ZFHX4: variants seen among roughly 807,000 people sequenced by gnomAD.
The protein encoded by ZFHX4 is zinc finger homeobox 4.
A neutral mutation model predicts 267.6 loss-of-function variants in ZFHX4; 56 were observed. The observed-to-expected ratio is 0.21, with a 90% CI of 0.17 to 0.26. The LOEUF (loss-of-function observed/expected upper bound fraction) is 0.26, where lower values mean the gene tolerates loss of function less well. Among genes scored for constraint, ZFHX4 ranks in the 10% least tolerant of loss-of-function variants. The pLI is 1.00. For missense variants in ZFHX4, 4,332 were observed against 4,420.0 expected (o/e 0.98, Z 0.56); for synonymous variants, 1,778 against 1,665.6 (o/e 1.07, Z -1.64).
Position 76,706,385 on chromosome 8 carries a change from C to G in ZFHX4, c.2297C>G (p.Thr766Ser). 6.2e-7 allele frequency: 1 copy of G among 1,614,138 alleles called. No individual in the cohort carries two copies. Among genetic ancestry groups the G allele is most frequent in the Non-Finnish European group, 8.5e-7 (1 of 1,180,004 alleles). ...PSPSKPKQKP[T>S]WRCEVCDYET... ...CCGTCCAAACCCAAACAGAAACCCACCTGGCGGTGTGAAGTTTGTGATTAT... is the reference window on the plus strand; with the variant it reads ...CCGTCCAAACCCAAACAGAAACCCAGCTGGCGGTGTGAAGTTTGTGATTAT... Residue 766 changes from threonine to serine, a missense_variant, in exon 2 of 11, where the codon ACC becomes AGC. Around this residue, in one of 7 missense-constraint regions of ZFHX4, gnomAD observed 1,195 missense variants for 1,173.6 expected, o/e 1.02. Transcript: ENST00000651372.
intron 1 of ZFHX4, chr8:76,683,984 CT>C (rs1807625732): frequency 6.6e-6 from 1 of 151,596 alleles, no homozygotes; most frequent in Admixed American, 6.6e-5. Context: ...GCCATCAACA[CT>C]TGTTTTACTT....
Position 76,707,425 on chromosome 8 carries a change from C to T in ZFHX4, c.2591-121C>T, listed in dbSNP as rs545143383. On this transcript the variant is annotated intron_variant, in intron 2 of 10. Coordinates refer to ENST00000651372, the MANE Select transcript of ZFHX4 (RefSeq NM_024721.5). ...TGATCCTGATTGAATCCTATTACAG[C>T]TTTTTATAGTTTAAGCTCTAGAGAA... 3.0e-5 allele frequency: 27 copies of T among 913,392 alleles called. No individual in the cohort carries two copies. The African/African-American group carries it at 3.8e-4, about 13-fold the overall frequency. 56.6% of individuals were successfully genotyped at this position (913,392 alleles called of 1,614,324 possible). A position where few individuals can be genotyped will look rare whatever the true frequency, so the allele number is the denominator to read the frequency against.
rs1319545374 is a variant in ZFHX4, at chr8:76,705,271, C to G, written c.1183C>G (p.Pro395Ala). ...SASTSSSAEQ[P>A]LGITQMPKAE... ...GAGCACCTCGAGCTCAGCAGAGCAGCCGCTGGGGATTACCCAAATGCCAAA... is the reference window on the plus strand; with the variant it reads ...GAGCACCTCGAGCTCAGCAGAGCAGGCGCTGGGGATTACCCAAATGCCAAA... Residue 395 changes from proline (P) to alanine (A), a missense_variant, in exon 2 of 11, where the codon CCG becomes GCG. Coordinates refer to ENST00000651372, the MANE Select transcript of ZFHX4 (RefSeq NM_024721.5). 8.7e-6 allele frequency: 14 copies of G among 1,613,866 alleles called. No homozygotes were observed. The highest frequency in any genetic ancestry group is 1.3e-5 in the African/African-American group (1 of 74,922).
In ZFHX4 at chr8:76,728,337, A is replaced by T. The variant is rs115670111; in HGVS notation, c.3093+20289A>T. Among the ~76,000 whole-genome samples, 1,362 of 152,282 alleles carry T rather than the reference A, an allele frequency of 8.9e-3. 18 individuals are homozygous for T. Among genetic ancestry groups the T allele is most frequent in the African/African-American group, 0.031 (1,279 of 41,564 alleles). On this transcript the variant is annotated intron_variant, in intron 3 of 10. Transcript: ENST00000651372. ...GCCCTCGATATTCTAGGTTAACTGG[A>T]ACCAAGGCAAGTATGAAAATCTCCA...
chr8:76,818,018 C>A (rs778172506), intron 4 of ZFHX4, among the ~76,000 whole-genome samples: 7 of 152,144 alleles, frequency 4.6e-5, no homozygotes, highest in Non-Finnish European at 8.8e-5. Flanking sequence ...AAGTTCCCTG[C>A]CCTCAAGGAG....
rs778446862 is a variant in ZFHX4, at chr8:76,708,158, C to T, written c.3093+110C>T. 5 of 1,364,210 alleles carry T rather than the reference C, an allele frequency of 3.7e-6. No homozygotes were observed. In the South Asian group the frequency reaches 4.8e-5, roughly 13 times the overall value. The allele number at this position is 1,364,210 out of a possible 1,614,324, so 84.5% of individuals were successfully genotyped here. A position where few individuals can be genotyped will look rare whatever the true frequency, so the allele number is the denominator to read the frequency against. ...AAGGAAAAAAAAAGAGAAAAAACAT[C>T]AAAGGGCAGGGGGCACAGTTTCTGA... On this transcript the variant is annotated intron_variant, in intron 3 of 10. Transcript: ENST00000651372.
In ZFHX4 at chr8:76,777,892, T is replaced by G. The variant is rs142480180; in HGVS notation, c.3094-316T>G. On this transcript the variant is annotated intron_variant, in intron 3 of 10. Transcript: ENST00000651372. ...TGTTTGTTTTTGTTTTTTGTTTTTT[T>G]TTTTTCTGAGATAACTAGTTAACTG... is the stretch of plus-strand genomic sequence containing the variant. Among the ~76,000 whole-genome samples the G allele has an allele frequency of 5.0e-3, 765 of 151,964 alleles. 14 individuals carry two copies. The highest frequency in any genetic ancestry group is 0.017 in the African/African-American group (693 of 41,488).
At chr8:76,863,015 C>T in intron 10 of ZFHX4, 79 bp from the exon 11 acceptor site, 1 of 1,438,742 alleles carries the variant, frequency 7.0e-7, no homozygotes, top group Non-Finnish European at 9.1e-7. Flanking sequence ...TTAGTGAGTT[C>T]TATTTAGGTG....
chr8:76,834,852 A>G (rs1392248453), intron 5 of ZFHX4, among the ~76,000 whole-genome samples: 1 of 151,840 alleles, frequency 6.6e-6, no homozygotes, highest in Non-Finnish European at 1.5e-5. Flanking sequence ...CCCTTATGTT[A>G]TCTTCTAGGA....
chr8:76,849,018 C>A lies in ZFHX4; in HGVS notation c.3535C>A (p.Leu1179Ile). 2 of 1,551,860 alleles carry A rather than the reference C, an allele frequency of 1.3e-6. No homozygotes were observed. The highest frequency in any genetic ancestry group is 1.7e-6 in the Non-Finnish European group (2 of 1,148,468). ...DSGIITPEKE[L>I]KVSVAGGTQP... ...AGGGATAATCACACCAGAGAAGGAA[C>A]TAAAAGTTAGTGTGGCAGGGGGTAC... Residue 1179 changes from leucine to isoleucine, a missense_variant, in exon 7 of 11, where the codon CTA (leucine) becomes ATA (isoleucine). Coordinates refer to ENST00000651372, the MANE Select transcript of ZFHX4 (RefSeq NM_024721.5).
In ZFHX4 at chr8:76,778,265, G is replaced by T. The variant is rs774068930; in HGVS notation, c.3151G>T (p.Val1051Leu). ...CGAATCCTGCTATTACTACTGTGCC[G>T]TGTGTGATTACACCACCAAGGTCAA... The part of the protein sequence containing the change: ...NPESCYYYCA[V>L]CDYTTKVKLN... The change falls in exon 4 of 11, where the codon GTG (valine) becomes TTG (leucine). Residue 1051 changes from valine (V) to leucine (L), a missense_variant. By Grantham distance (32) the Val-to-Leu change is conservative (BLOSUM62 1). This residue lies in a region of ZFHX4 where 1,371 missense variants were observed against 1,423.1 expected (regional missense o/e 0.96). Coordinates refer to ENST00000651372, the MANE Select transcript of ZFHX4 (RefSeq NM_024721.5). The T allele has an allele frequency of 6.2e-7, 1 of 1,613,694 alleles. No individual in the cohort carries two copies. The highest frequency in any genetic ancestry group is 8.5e-7 in the Non-Finnish European group (1 of 1,179,726).
intron 3 of ZFHX4, among the ~76,000 whole-genome samples, chr8:76,762,568 A>C (rs1452085245): frequency 6.6e-6 from 1 of 152,190 alleles, no homozygotes; most frequent in Non-Finnish European, 1.5e-5. Context: ...CCATAAAAGC[A>C]AATGAATATG....
intron 3 of ZFHX4, among the ~76,000 whole-genome samples, chr8:76,766,401 T>C (rs748279110): frequency 2.6e-5 from 4 of 152,190 alleles, no homozygotes; most frequent in Admixed American, 2.0e-4. Flanking sequence ...GCAATTTTGA[T>C]ATTTAAAACG....
chr8:76,690,726 GAC>G (rs151254583), intron 1 of ZFHX4, among the ~76,000 whole-genome samples: 1 of 150,640 alleles, frequency 6.6e-6, no homozygotes, highest in Admixed American at 6.6e-5. Flanking sequence ...TATACAGACA[GAC>G]ACACACACAC....
intron 4 of ZFHX4, among the ~76,000 whole-genome samples, chr8:76,820,646 A>G (rs943087765): frequency 2.0e-4 from 30 of 152,174 alleles, no homozygotes; most frequent in African/African-American, 7.0e-4. Context: ...AGTTTTTCTG[A>G]TCAAACTTGG....
chr8:76,827,420 C>A (rs1272966939), intron 4 of ZFHX4, among the ~76,000 whole-genome samples: 2 of 152,128 alleles, frequency 1.3e-5, no homozygotes, highest in African/African-American at 4.8e-5. Flanking sequence ...GGGTTAGGGA[C>A]CCCTGCTATA....
At chr8:76,782,388 A>C (rs941000253) in intron 4 of ZFHX4, among the ~76,000 whole-genome samples, 3 of 151,996 alleles carry the variant, frequency 2.0e-5, no homozygotes, top group African/African-American at 7.2e-5. Flanking sequence ...TTTAAGAACA[A>C]AAGTTGTTTT....
At chr8:76,742,675 A>G (rs1809351510) in intron 3 of ZFHX4, among the ~76,000 whole-genome samples, 1 of 152,198 alleles carries the variant, frequency 6.6e-6, no homozygotes, top group Non-Finnish European at 1.5e-5. Flanking sequence ...AAATAAACAC[A>G]CTTAATTGAA....
At position 76,864,754 on chromosome 8, in the gene ZFHX4, A is replaced by G; in HGVS notation, c.*189A>G. The G allele has an allele frequency of 2.3e-6, 1 of 441,320 alleles. No individual in the cohort carries two copies. The highest frequency in any genetic ancestry group is 4.0e-6 in the Non-Finnish European group (1 of 248,298). 27.3% of individuals were successfully genotyped at this position (441,320 alleles called of 1,614,324 possible). A position where few individuals can be genotyped will look rare whatever the true frequency, so the allele number is the denominator to read the frequency against. Reference sequence around the variant, plus strand: ...GGTATGTAATGGACAGAACTGATGCAGATGGTTGAATGCGCTTGTACTATA... The same window carrying G: ...GGTATGTAATGGACAGAACTGATGCGGATGGTTGAATGCGCTTGTACTATA... On this transcript the variant is annotated 3_prime_UTR_variant, in exon 11 of 11. Coordinates refer to ENST00000651372, the MANE Select transcript of ZFHX4 (RefSeq NM_024721.5).
Sources: allele counts gnomAD v4.1 joint callset (sites outside exome capture counted in the v4.1 genomes callset), GRCh38; gene constraint gnomAD v4.1.1; regional missense constraint gnomAD v4.1.1; transcripts MANE v1.5; gene names NCBI Gene and HGNC (gene_info 2026-07-23, HGNC 2026-07-21).